The following DCLK2 variants were observed in gnomAD, a reference collection of about 807,000 sequenced individuals.
DCLK2 encodes the protein serine/threonine-protein kinase DCLK2.
Under a neutral mutation model 78.4 loss-of-function variants are expected in DCLK2, and 31 were observed. The observed-to-expected ratio is 0.40, with a 90% CI of 0.30 to 0.53. DCLK2 has a LOEUF of 0.53. Among genes scored for constraint, DCLK2 ranks in the 20% least tolerant of loss-of-function variants. DCLK2 has a pLI of 0.61. For synonymous variants in DCLK2, 407 were observed against 374.9 expected, an observed-to-expected ratio of 1.09 and a Z score of -0.99; for missense variants, 872 against 973.7, an observed-to-expected ratio of 0.90 and a Z score of 1.39.
At chr4:150,131,303 A>G (rs1733296591) in intron 2 of DCLK2, among the ~76,000 whole-genome samples, 1 of 152,196 alleles carries the variant, frequency 6.6e-6, no homozygotes, top group African/African-American at 2.4e-5. Flanking sequence ...TTAAAAATAC[A>G]TACTTCACCT....
intron 2 of DCLK2, among the ~76,000 whole-genome samples, chr4:150,132,592 C>CT (rs35060471): frequency 2.6e-5 from 4 of 151,668 alleles, no homozygotes; most frequent in South Asian, 2.1e-4. Flanking sequence ...TTGTTCACAA[C>CT]TTTTTTTTTA....
rs113657490 is a variant in DCLK2 at position 150,248,022 on chromosome 4, A to G, written c.1876-283A>G. Among the ~76,000 whole-genome samples, 290 of 152,362 alleles carry G rather than the reference A, an allele frequency of 1.9e-3. 1 individual carries two copies. Among genetic ancestry groups the G allele is most frequent in the African/African-American group, 6.3e-3 (261 of 41,578 alleles). On this transcript the variant is annotated intron_variant, in intron 13 of 15. Coordinates refer to ENST00000296550, the MANE Select transcript of DCLK2 (RefSeq NM_001040260.4). ...AACTTGTGAAACACACTGAATTGCCAAAAGGAAAAATACTGCAGTTTTAGA... is the reference window on the plus strand; with the variant it reads ...AACTTGTGAAACACACTGAATTGCCGAAAGGAAAAATACTGCAGTTTTAGA...
chr4:150,146,912 G>T (rs921382489), intron 2 of DCLK2, among the ~76,000 whole-genome samples: 11 of 151,902 alleles, frequency 7.2e-5, no homozygotes, highest in African/African-American at 2.7e-4. Flanking sequence ...TTACCTAAGG[G>T]TTATCTACAT....
chr4:150,215,917 A>C (rs1448059428), intron 5 of DCLK2, among the ~76,000 whole-genome samples: 2 of 152,226 alleles, frequency 1.3e-5, no homozygotes, highest in Non-Finnish European at 2.9e-5. Flanking sequence ...AGAAGGTCAG[A>C]GAGATTGTTT....
intron 2 of DCLK2, among the ~76,000 whole-genome samples, chr4:150,134,614 A>G (rs561483448): frequency 2.0e-5 from 3 of 152,296 alleles, no homozygotes; most frequent in East Asian, 1.9e-4. Context: ...AGTTGCTTAT[A>G]TTACTTTGAA....
chr4:150,176,232 C>A (rs1353259000), intron 2 of DCLK2, among the ~76,000 whole-genome samples: 1 of 152,148 alleles, frequency 6.6e-6, no homozygotes, highest in Non-Finnish European at 1.5e-5. Flanking sequence ...ATACTATGAG[C>A]CCTGAGCCTG....
In DCLK2 at chr4:150,078,961, T is replaced by C; in HGVS notation, c.-67T>C. 6.8e-7 allele frequency: 1 copy of C among 1,465,356 alleles called. No individual in the cohort carries two copies. Among genetic ancestry groups the C allele is most frequent in the Non-Finnish European group, 9.0e-7 (1 of 1,108,430 alleles). 90.8% of individuals were successfully genotyped at this position (1,465,356 alleles called of 1,614,324 possible). A position where few individuals can be genotyped will look rare whatever the true frequency, so the allele number is the denominator to read the frequency against. On this transcript the variant is annotated 5_prime_UTR_variant, in exon 1 of 16. Coordinates refer to ENST00000296550, the MANE Select transcript of DCLK2 (RefSeq NM_001040260.4). ...AAGGGCCCTCGCAGTCAGACGTCCCTGCACCGGCGCTCGCACCCTTAGTCG... is the reference window on the plus strand; with the variant it reads ...AAGGGCCCTCGCAGTCAGACGTCCCCGCACCGGCGCTCGCACCCTTAGTCG...
intron 2 of DCLK2, among the ~76,000 whole-genome samples, chr4:150,191,365 G>A (rs186978753): frequency 6.6e-6 from 1 of 152,134 alleles, no homozygotes; most frequent in East Asian, 1.9e-4. Context: ...AGAAATGACA[G>A]ATTCCAGGGA....
chr4:150,151,698 G>A (rs1168199607), intron 2 of DCLK2, among the ~76,000 whole-genome samples: 1 of 152,194 alleles, frequency 6.6e-6, no homozygotes, highest in Non-Finnish European at 1.5e-5. Context: ...GCCAAGGCAG[G>A]TAGATCACCA....
intron 7 of DCLK2, among the ~76,000 whole-genome samples, chr4:150,223,925 T>G (rs926137240): frequency 6.6e-6 from 1 of 152,076 alleles, no homozygotes; most frequent in African/African-American, 2.4e-5. Flanking sequence ...TTTTGAATTA[T>G]GGGCTAATGT....
At chr4:150,150,444 G>A (rs546781879) in intron 2 of DCLK2, among the ~76,000 whole-genome samples, 375 of 151,624 alleles carry the variant, frequency 2.5e-3, no homozygotes, top group Non-Finnish European at 4.1e-3. Context: ...ATATATTAAA[G>A]GCAATTAAGA....
chr4:150,212,224 T>C (rs1339199237), intron 5 of DCLK2, among the ~76,000 whole-genome samples: 2 of 152,216 alleles, frequency 1.3e-5, no homozygotes, highest in South Asian at 2.1e-4. Context: ...CTGTCTGATG[T>C]GCTGATATTT....
intron 2 of DCLK2, among the ~76,000 whole-genome samples, chr4:150,145,444 A>G (rs1055810725): frequency 1.3e-5 from 2 of 152,204 alleles, no homozygotes; most frequent in Admixed American, 6.5e-5. Flanking sequence ...ATAGGTGTTG[A>G]GTAAATGTTA....
intron 8 of DCLK2, among the ~76,000 whole-genome samples, chr4:150,229,020 G>A (rs1366178191): frequency 3.4e-5 from 5 of 147,618 alleles, no homozygotes; most frequent in South Asian, 2.2e-4. Flanking sequence ...GCAACAGAGC[G>A]AGACTCCGTC....
chr4:150,255,313 A>G (rs1199819912), intron 15 of DCLK2, among the ~76,000 whole-genome samples: 2 of 152,248 alleles, frequency 1.3e-5, no homozygotes, highest in Non-Finnish European at 2.9e-5. Context: ...CAAGCAGGAA[A>G]TAGAGAAGGA....
intron 2 of DCLK2, among the ~76,000 whole-genome samples, chr4:150,122,319 C>T (rs568242453): frequency 6.6e-6 from 1 of 152,300 alleles, no homozygotes; most frequent in East Asian, 1.9e-4. Context: ...ATGTTTATTG[C>T]AGCACTATTC....
intron 2 of DCLK2, among the ~76,000 whole-genome samples, chr4:150,176,019 G>GCT (rs1300554810): frequency 4.6e-5 from 7 of 152,340 alleles, no homozygotes; most frequent in African/African-American, 1.7e-4. Flanking sequence ...AGCTATGGCA[G>GCT]AAGAAGATAG....
chr4:150,240,807 C>T (rs1742874411), intron 12 of DCLK2, among the ~76,000 whole-genome samples: 1 of 146,750 alleles, frequency 6.8e-6, no homozygotes, highest in South Asian at 2.2e-4. Flanking sequence ...ACATAAAACA[C>T]CTTTCGCTTT....
At chr4:150,160,637 A>T (rs1735636941) in intron 2 of DCLK2, among the ~76,000 whole-genome samples, 1 of 152,246 alleles carries the variant, frequency 6.6e-6, no homozygotes, top group Non-Finnish European at 1.5e-5. Flanking sequence ...GGATAGAGCC[A>T]AGATTTGTAA....
Sources: allele counts gnomAD v4.1 joint callset (sites outside exome capture counted in the v4.1 genomes callset), GRCh38; gene constraint gnomAD v4.1.1; transcripts MANE v1.5; gene names NCBI Gene and HGNC (gene_info 2026-07-23, HGNC 2026-07-21).